FMN1: variants seen among roughly 807,000 people sequenced by gnomAD.
The protein encoded by FMN1 is formin-1.
Under a neutral mutation model 132.4 loss-of-function variants are expected in FMN1, and 110 were observed. That is an observed-to-expected ratio of 0.83 (90% CI 0.71 to 0.97). The LOEUF is 0.97. FMN1 is among the 50% of genes least tolerant of loss of function. FMN1 has a pLI of 0.00. For missense variants in FMN1, 1,792 were observed against 1,705.3 expected, an observed-to-expected ratio of 1.05 and a Z score of -0.90; for synonymous variants, 722 against 651.7, an observed-to-expected ratio of 1.11 and a Z score of -1.64.
At chr15:32,951,216 G>C (rs963257412) in intron 9 of FMN1, among the ~76,000 whole-genome samples, 8 of 152,130 alleles carry the variant, frequency 5.3e-5, no homozygotes, top group African/African-American at 1.9e-4. Flanking sequence ...GTGATATTAT[G>C]TTACCTGCCA....
intron 7 of FMN1, among the ~76,000 whole-genome samples, chr15:32,979,438 C>T (rs1250116975): frequency 1.3e-5 from 2 of 151,744 alleles, no homozygotes; most frequent in Admixed American, 6.6e-5. Context: ...TGCCTGTAGT[C>T]CCAGCTACTT....
chr15:33,060,999 G>A (rs1444953865), intron 6 of FMN1, among the ~76,000 whole-genome samples: 2 of 152,138 alleles, frequency 1.3e-5, no homozygotes, highest in Non-Finnish European at 2.9e-5. Context: ...AGATGGAGGC[G>A]AAACGAAGCC....
intron 6 of FMN1, among the ~76,000 whole-genome samples, chr15:33,051,021 C>T (rs963783628): frequency 4.6e-5 from 7 of 152,148 alleles, no homozygotes; most frequent in East Asian, 3.8e-4. Flanking sequence ...TCAGTGTATA[C>T]GTATTCATGA....
intron 16 of FMN1, among the ~76,000 whole-genome samples, chr15:32,886,861 TAATC>T (rs1440669564): frequency 6.6e-6 from 1 of 152,076 alleles, no homozygotes; most frequent in Non-Finnish European, 1.5e-5. Context: ...ATTACAATAT[TAATC>T]AAGCTCCTCA....
chr15:33,002,668 A>T (rs1340751436), intron 7 of FMN1, among the ~76,000 whole-genome samples: 1 of 152,184 alleles, frequency 6.6e-6, no homozygotes, highest in Non-Finnish European at 1.5e-5. Flanking sequence ...GAAGTCATAC[A>T]AGAAAATAAG....
At chr15:32,873,673 T>G (rs1215635722) in intron 16 of FMN1, among the ~76,000 whole-genome samples, 1 of 152,096 alleles carries the variant, frequency 6.6e-6, no homozygotes, top group Non-Finnish European at 1.5e-5. Flanking sequence ...GGGCTGATGT[T>G]GAGAAGAACA....
chr15:33,177,316 T>A (rs1182694186), intron 3 of FMN1, among the ~76,000 whole-genome samples: 1 of 152,184 alleles, frequency 6.6e-6, no homozygotes, highest in Non-Finnish European at 1.5e-5. Flanking sequence ...TCATAGAATA[T>A]GGAGCACTCA....
At chr15:32,809,517 G>C (rs1009964320) in intron 17 of FMN1, among the ~76,000 whole-genome samples, 1 of 152,166 alleles carries the variant, frequency 6.6e-6, no homozygotes, top group South Asian at 2.1e-4. Flanking sequence ...AGCTCCTGCT[G>C]CGTGGGACTC....
chr15:33,193,241 T>C (rs1465469625), intron 2 of FMN1, among the ~76,000 whole-genome samples: 1 of 152,182 alleles, frequency 6.6e-6, no homozygotes, highest in African/African-American at 2.4e-5. Flanking sequence ...TAATCTGGTA[T>C]GCAATTCTCA....
At chr15:33,122,898 C>T (rs921906258) in intron 4 of FMN1, among the ~76,000 whole-genome samples, 8 of 152,140 alleles carry the variant, frequency 5.3e-5, no homozygotes, top group Non-Finnish European at 1.2e-4. Flanking sequence ...AAACCAACAT[C>T]TATGCAGCAT....
intron 17 of FMN1, among the ~76,000 whole-genome samples, chr15:32,841,849 A>C (rs981162288): frequency 2.0e-5 from 3 of 152,212 alleles, no homozygotes; most frequent in Non-Finnish European, 4.4e-5. Context: ...TATACAATCC[A>C]TTTTCCTAGG....
chr15:33,157,993 CAAAA>C (rs71756813), intron 3 of FMN1, among the ~76,000 whole-genome samples: 4 of 123,522 alleles, frequency 3.2e-5, no homozygotes, highest in Admixed American at 7.9e-5. Flanking sequence ...CCCTGTCTTT[CAAAA>C]AAAAAAAAAA....
intron 7 of FMN1, among the ~76,000 whole-genome samples, chr15:32,999,716 C>A (rs1342234877): frequency 2.6e-5 from 4 of 152,198 alleles, no homozygotes; most frequent in African/African-American, 9.7e-5. Context: ...TGTCTTGCAT[C>A]CCACAACCCA....
At chr15:32,936,406 T>C (rs1567425428) in intron 9 of FMN1, among the ~76,000 whole-genome samples, 2 of 152,228 alleles carry the variant, frequency 1.3e-5, no homozygotes, top group Non-Finnish European at 2.9e-5. Flanking sequence ...TTCAAGCCTT[T>C]TTCTGTGGAT....
chr15:33,056,835 A>T (rs916175967), intron 6 of FMN1, among the ~76,000 whole-genome samples: 1 of 152,230 alleles, frequency 6.6e-6, no homozygotes, highest in African/African-American at 2.4e-5. Flanking sequence ...TAACGTTAAC[A>T]GAAAGAAGCC....
At chr15:32,914,329 C>T (rs2060632347) in intron 10 of FMN1, among the ~76,000 whole-genome samples, 2 of 152,096 alleles carry the variant, frequency 1.3e-5, no homozygotes, top group South Asian at 4.1e-4. Flanking sequence ...TGTAAGTATG[C>T]AATACGTGCC....
At chr15:32,862,393 G>A (rs893573909) in intron 16 of FMN1, among the ~76,000 whole-genome samples, 12 of 152,160 alleles carry the variant, frequency 7.9e-5, no homozygotes, top group African/African-American at 2.7e-4. Flanking sequence ...TCCGAAGTTA[G>A]TTACTACTAA....
At chr15:32,990,656 C>A (rs1227185178) in intron 7 of FMN1, among the ~76,000 whole-genome samples, 2 of 152,138 alleles carry the variant, frequency 1.3e-5, no homozygotes, top group African/African-American at 4.8e-5. Flanking sequence ...CTGTATTAGT[C>A]TGTCCTCACA....
chr15:32,961,130 G>C (rs1006656923), intron 9 of FMN1, among the ~76,000 whole-genome samples: 1 of 149,350 alleles, frequency 6.7e-6, no homozygotes, highest in Non-Finnish European at 1.5e-5. Context: ...TTCAGATATT[G>C]TTCATCTTTT....
Sources: allele counts gnomAD v4.1 joint callset (sites outside exome capture counted in the v4.1 genomes callset), GRCh38; gene constraint gnomAD v4.1.1; transcripts MANE v1.5; gene names NCBI Gene and HGNC (gene_info 2026-07-23, HGNC 2026-07-21).